MALRD1: variants seen among roughly 807,000 people sequenced by gnomAD.
MALRD1 encodes MAM and LDL receptor class A domain containing 1.
A neutral mutation model predicts 242.1 loss-of-function variants in MALRD1; 247 were observed. That is an observed-to-expected ratio of 1.02 (90% CI 0.92 to 1.13). The LOEUF (loss-of-function observed/expected upper bound fraction) is 1.13, where lower values mean the gene tolerates loss of function less well. Ranked by LOEUF, MALRD1 falls within the 50% of genes most tolerant of loss-of-function variation. The pLI, the probability that MALRD1 is intolerant of heterozygous loss-of-function variation, is 0.00. For missense variants in MALRD1, 2,989 were observed against 2,533.1 expected (o/e 1.18, Z -3.86); for synonymous variants, 995 against 866.6 (o/e 1.15, Z -2.60).
At chr10:19,257,625 T>C (rs1839573912) in intron 18 of MALRD1, 59 bp from the exon 19 acceptor site, 4 of 1,253,454 alleles carry the variant, frequency 3.2e-6, no homozygotes, top group Non-Finnish European at 4.4e-6. Flanking sequence ...TTCCATAACT[T>C]AATTTCCTTT....
intron 38 of MALRD1, chr10:19,710,594 T>C (rs1834062996): frequency 6.6e-6 from 1 of 152,224 alleles, no homozygotes; most frequent in Admixed American, 6.5e-5. Flanking sequence ...AAATCCATTT[T>C]CACTGGACAC....
chr10:19,109,460 T>G (rs150114870), intron 5 of MALRD1, among the ~76,000 whole-genome samples: 1,846 of 152,282 alleles, frequency 0.012, 25 homozygotes, highest in South Asian at 0.025. Context: ...TTGGCAAGAT[T>G]GCCTATAATT....
intron 38 of MALRD1, among the ~76,000 whole-genome samples, chr10:19,722,919 C>G (rs749036643): frequency 1.3e-5 from 2 of 152,110 alleles, no homozygotes; most frequent in East Asian, 1.9e-4. Context: ...GAGCCATATA[C>G]TAATCAACTT....
chr10:19,231,062 A>T (rs1377186865), intron 18 of MALRD1, among the ~76,000 whole-genome samples: 1 of 152,118 alleles, frequency 6.6e-6, no homozygotes, highest in East Asian at 1.9e-4. Flanking sequence ...CTCTCAGCTG[A>T]TTCTCTCTAG....
chr10:19,416,577 C>G (rs1481118268), intron 28 of MALRD1, among the ~76,000 whole-genome samples: 1 of 152,024 alleles, frequency 6.6e-6, no homozygotes, highest in African/African-American at 2.4e-5. Flanking sequence ...TTGTGTATCA[C>G]TCTCAACAGT....
intron 26 of MALRD1, among the ~76,000 whole-genome samples, chr10:19,377,621 TAA>T (rs1232528358): frequency 7.0e-6 from 1 of 142,342 alleles, no homozygotes; most frequent in Non-Finnish European, 1.5e-5. Flanking sequence ...CTGAAAAGTA[TAA>T]GTCTCAGTCA....
At chr10:19,530,374 T>TA (rs1564417070) in intron 31 of MALRD1, among the ~76,000 whole-genome samples, 1 of 90,364 alleles carries the variant, frequency 1.1e-5, no homozygotes, top group Non-Finnish European at 1.8e-5. Flanking sequence ...TAAATATTTA[T>TA]ATAAATATTA....
chr10:19,677,627 CT>C (rs1426856606), intron 36 of MALRD1, among the ~76,000 whole-genome samples: 1 of 152,136 alleles, frequency 6.6e-6, no homozygotes, highest in Non-Finnish European at 1.5e-5. Flanking sequence ...TGTCGGTCCA[CT>C]CTGATGATAC....
In MALRD1 at chr10:19,124,536, G is replaced by A; in HGVS notation, c.809G>A (p.Cys270Tyr). 8.1e-7 allele frequency: 1 copy of A among 1,233,832 alleles called. No individual in the cohort carries two copies. Among genetic ancestry groups the A allele is most frequent in the African/African-American group, 1.5e-5 (1 of 64,580 alleles). The allele number at this position is 1,233,832 out of a possible 1,614,324, so 76.4% of individuals were successfully genotyped here. A position where few individuals can be genotyped will look rare whatever the true frequency, so the allele number is the denominator to read the frequency against. The change falls in exon 7 of 40, where the codon TGT (cysteine) becomes TAT (tyrosine). Residue 270 changes from cysteine (C) to tyrosine (Y), a missense_variant. Physicochemically the swap from Cys to Tyr is radical, Grantham distance 194. Transcript: ENST00000454679. ...TTCTCCCGTTTAGTGTGTCAGGCCT[G>A]TGGGTTTGAATTTGACATGTGTGAG... ...TDEELRLCQA[C>Y]GFEFDMCEWT...
At position 19,400,779 on chromosome 10, in the gene MALRD1, G is replaced by A. The variant is rs185635794; in HGVS notation, c.4845+11170G>A. ...GCCTATAATCCCAGCACTTTTGGAG[G>A]CCAAGGCAGGCAGATCACTTGAGGT... On this transcript the variant is annotated intron_variant, in intron 28 of 39. Transcript: ENST00000454679. Among the ~76,000 whole-genome samples, 23 of 152,290 alleles carry A rather than the reference G, an allele frequency of 1.5e-4. No individual in the cohort carries two copies. In the East Asian group the frequency reaches 4.2e-3, roughly 28 times the overall value.
intron 26 of MALRD1, among the ~76,000 whole-genome samples, chr10:19,355,738 C>G (rs1844596970): frequency 6.7e-6 from 1 of 149,858 alleles, no homozygotes; most frequent in African/African-American, 2.5e-5. Context: ...ATATGCTAAA[C>G]TTGGTTTAGA....
At chr10:19,114,899 A>G (rs1161853218) in intron 5 of MALRD1, among the ~76,000 whole-genome samples, 1 of 152,164 alleles carries the variant, frequency 6.6e-6, no homozygotes, top group Non-Finnish European at 1.5e-5. Flanking sequence ...TCACATGGTC[A>G]TTCTATACCT....
At chr10:19,727,950 T>C (rs757059710) in intron 38 of MALRD1, among the ~76,000 whole-genome samples, 1 of 152,150 alleles carries the variant, frequency 6.6e-6, no homozygotes, top group Non-Finnish European at 1.5e-5. Flanking sequence ...AATCATAATA[T>C]TGAACTTGAA....
rs201072524 is a variant in MALRD1, at chr10:19,676,283, G to A, written c.6138-15999G>A. Among the ~76,000 whole-genome samples the A allele has an allele frequency of 1.7e-4, 26 of 152,306 alleles. No homozygotes were observed. The East Asian group carries it at 4.6e-3, about 27-fold the overall frequency. ...TTATACCACGTGACATCAGTCTGGA[G>A]TCAGGAAATGCAGTTCAGAGCCTGG... On this transcript the variant is annotated intron_variant, in intron 36 of 39. Transcript: ENST00000454679.
intron 38 of MALRD1, among the ~76,000 whole-genome samples, chr10:19,714,204 T>C (rs570868626): frequency 6.6e-6 from 1 of 152,252 alleles, no homozygotes; most frequent in South Asian, 2.1e-4. Flanking sequence ...ACACGTGGGC[T>C]TGGAGGATGG....
intron 36 of MALRD1, among the ~76,000 whole-genome samples, chr10:19,658,970 G>C (rs1260221852): frequency 6.6e-6 from 1 of 152,130 alleles, no homozygotes; most frequent in Non-Finnish European, 1.5e-5. Flanking sequence ...AAAACAAATG[G>C]TTTGTTATCT....
At chr10:19,402,969 G>A (rs75292299) in intron 28 of MALRD1, among the ~76,000 whole-genome samples, 4,433 of 151,016 alleles carry the variant, frequency 0.029, 94 homozygotes, top group African/African-American at 0.056. Flanking sequence ...TGTGTCCTCC[G>A]TAATAAATGG....
At chr10:19,399,680 GAAAT>G (rs1226257646) in intron 28 of MALRD1, among the ~76,000 whole-genome samples, 3 of 152,112 alleles carry the variant, frequency 2.0e-5, no homozygotes, top group African/African-American at 7.2e-5. Flanking sequence ...ATCTCTGTAA[GAAAT>G]GAATATACAA....
intron 38 of MALRD1, among the ~76,000 whole-genome samples, chr10:19,697,936 T>C (rs1382890352): frequency 6.6e-6 from 1 of 152,052 alleles, no homozygotes; most frequent in Non-Finnish European, 1.5e-5. Flanking sequence ...GGTTTGCCTC[T>C]CCATCCACTT....
Sources: allele counts gnomAD v4.1 joint callset (sites outside exome capture counted in the v4.1 genomes callset), GRCh38; gene constraint gnomAD v4.1.1; transcripts MANE v1.5; gene names NCBI Gene and HGNC (gene_info 2026-07-23, HGNC 2026-07-21).